CHD9: variants seen among roughly 807,000 people sequenced by gnomAD.
CHD9 encodes the protein chromodomain helicase DNA binding protein 9.
A neutral mutation model predicts 316.1 loss-of-function variants in CHD9; 77 were observed. The ratio of observed to expected loss-of-function variants is 0.24; its 90% CI spans 0.20 to 0.29. The LOEUF is 0.29. CHD9 is among the 10% of genes least tolerant of loss of function. CHD9 has a pLI of 1.00. For synonymous variants in CHD9, 1,129 were observed against 1,158.3 expected (o/e 0.97, Z 0.51); for missense variants, 2,763 against 3,438.1 (o/e 0.80, Z 4.91).
intron 2 of CHD9, among the ~76,000 whole-genome samples, chr16:53,161,117 C>G (rs894591750): frequency 6.6e-6 from 1 of 152,054 alleles, no homozygotes; most frequent in African/African-American, 2.4e-5. Flanking sequence ...AAAAAACACT[C>G]TGTTCTCAAG....
rs1335165466 is a variant in CHD9, at chr16:53,304,082, TCTC to T, written c.6080_6082del (p.Pro2027del). 1.2e-6 allele frequency: 2 copies of T among 1,613,992 alleles called. No homozygotes were observed. Among genetic ancestry groups the T allele is most frequent in the Non-Finnish European group, 1.7e-6 (2 of 1,179,884 alleles). On this transcript the variant is annotated inframe_deletion, in exon 31 of 39. Transcript: ENST00000447540. ...GCAATATCAAGTAGCACTTTCTGCT[TCTC>T]CTCTTACCTCTCTACCTAGGCTCCT...
At chr16:53,314,261 A>T (rs1186095277) in intron 34 of CHD9, 116 bp from the exon 35 acceptor site, 1 of 653,546 alleles carries the variant, frequency 1.5e-6, no homozygotes, top group Non-Finnish European at 2.4e-6. Context: ...AAAAGTTTCT[A>T]CATTAAAGAT....
chr16:53,083,620 T>C (rs1335395295), intron 1 of CHD9, among the ~76,000 whole-genome samples: 1 of 152,144 alleles, frequency 6.6e-6, no homozygotes, highest in Non-Finnish European at 1.5e-5. Context: ...CTGCCAAAGG[T>C]GTCTTTCAGC....
At chr16:53,213,166 T>C (rs1429981186) in intron 3 of CHD9, among the ~76,000 whole-genome samples, 1 of 152,206 alleles carries the variant, frequency 6.6e-6, no homozygotes, top group African/African-American at 2.4e-5. Context: ...GACATGACCA[T>C]GCCTCTGTTG....
At position 53,073,480 on chromosome 16, in the gene CHD9, T is replaced by C. The variant is rs1366580243; in HGVS notation, c.-165+18403T>C. ...TATCTCTTTGAGACTCTGTTTTCAATATTTTTGAATATATATCCAGAAGTG... is the reference window on the plus strand; with the variant it reads ...TATCTCTTTGAGACTCTGTTTTCAACATTTTTGAATATATATCCAGAAGTG... On this transcript the variant is annotated intron_variant, in intron 1 of 38. Transcript: ENST00000447540. 2.0e-5 allele frequency among the ~76,000 whole-genome samples: 3 copies of C among 152,252 alleles called. No homozygotes were observed. The East Asian group carries it at 5.8e-4, about 29-fold the overall frequency.
intron 1 of CHD9, among the ~76,000 whole-genome samples, chr16:53,069,876 C>T (rs148699995): frequency 2.6e-5 from 4 of 152,118 alleles, no homozygotes; most frequent in African/African-American, 9.6e-5. Context: ...GTTTCCATTT[C>T]TCCACATCCT....
chr16:53,119,872 A>AG (rs1241254772), intron 1 of CHD9, among the ~76,000 whole-genome samples: 2 of 152,096 alleles, frequency 1.3e-5, no homozygotes, highest in Non-Finnish European at 2.9e-5. Flanking sequence ...AGAAATGTCC[A>AG]GGGAACTCCA....
intron 13 of CHD9, among the ~76,000 whole-genome samples, chr16:53,243,236 T>A (rs2049259628): frequency 3.3e-5 from 5 of 152,186 alleles, no homozygotes; most frequent in Admixed American, 3.3e-4. Flanking sequence ...TCAAAAAGCA[T>A]TAGTAATTAA....
At chr16:53,315,752 T>G (rs531607688) in intron 36 of CHD9, among the ~76,000 whole-genome samples, 1 of 152,138 alleles carries the variant, frequency 6.6e-6, no homozygotes, top group South Asian at 2.1e-4. Flanking sequence ...GTGCTAGGAA[T>G]ACAGACATGA....
At chr16:53,173,479 T>G (rs1381842785) in intron 2 of CHD9, among the ~76,000 whole-genome samples, 2 of 152,150 alleles carry the variant, frequency 1.3e-5, no homozygotes, top group African/African-American at 4.8e-5. Flanking sequence ...ATTTTTCTGC[T>G]TTATAGTTAA....
chr16:53,096,317 C>T (rs910556842), intron 1 of CHD9, among the ~76,000 whole-genome samples: 5 of 152,052 alleles, frequency 3.3e-5, no homozygotes, highest in African/African-American at 1.2e-4. Context: ...TCGCCAATAC[C>T]CAACACAATG....
At chr16:53,123,957 A>G (rs1473334332) in intron 1 of CHD9, among the ~76,000 whole-genome samples, 1 of 152,146 alleles carries the variant, frequency 6.6e-6, no homozygotes, top group African/African-American at 2.4e-5. Context: ...GCTGAATAAC[A>G]TTCCAGTTTG....
chr16:53,300,018 G>A (rs2055206889), intron 30 of CHD9, among the ~76,000 whole-genome samples: 1 of 152,218 alleles, frequency 6.6e-6, no homozygotes, highest in African/African-American at 2.4e-5. Flanking sequence ...CATTTTAACT[G>A]TTGTTAAAAG....
At chr16:53,154,767 T>G (rs1406961466) in intron 1 of CHD9, among the ~76,000 whole-genome samples, 4 of 152,338 alleles carry the variant, frequency 2.6e-5, no homozygotes, top group Admixed American at 1.3e-4. Flanking sequence ...TCTCCTGCCG[T>G]GCAGCCTGGT....
intron 34 of CHD9, among the ~76,000 whole-genome samples, chr16:53,313,601 C>T (rs185235541): frequency 5.3e-5 from 8 of 152,048 alleles, no homozygotes; most frequent in East Asian, 3.9e-4. Context: ...CCACTATGCC[C>T]GGCCAAAAGT....
intron 20 of CHD9, among the ~76,000 whole-genome samples, chr16:53,264,563 A>G (rs535942589): frequency 2.0e-5 from 3 of 152,352 alleles, no homozygotes; most frequent in Admixed American, 6.5e-5. Context: ...TTTCAGCAGT[A>G]TATATTGGTA....
chr16:53,151,917 C>T (rs543870903), intron 1 of CHD9, among the ~76,000 whole-genome samples: 1 of 151,826 alleles, frequency 6.6e-6, no homozygotes, highest in Non-Finnish European at 1.5e-5. Context: ...TTTCTGTCAA[C>T]TTTTTTCTTC....
At chr16:53,225,381 C>T (rs893944404) in intron 4 of CHD9, among the ~76,000 whole-genome samples, 3 of 152,070 alleles carry the variant, frequency 2.0e-5, no homozygotes, top group Non-Finnish European at 2.9e-5. Flanking sequence ...TGTCTCTACC[C>T]CATGAGATTA....
chr16:53,124,773 C>T (rs2038896881), intron 1 of CHD9, among the ~76,000 whole-genome samples: 1 of 152,098 alleles, frequency 6.6e-6, no homozygotes, highest in Non-Finnish European at 1.5e-5. Flanking sequence ...AGCCACCACA[C>T]CCAGCCTCGT....
Sources: allele counts gnomAD v4.1 joint callset (sites outside exome capture counted in the v4.1 genomes callset), GRCh38; gene constraint gnomAD v4.1.1; transcripts MANE v1.5; gene names NCBI Gene and HGNC (gene_info 2026-07-23, HGNC 2026-07-21).